The following DENND2A variants were observed in gnomAD, a reference collection of about 807,000 sequenced individuals.
DENND2A encodes DENN domain containing 2A, also known as DENN domain-containing protein 2A.
A neutral mutation model predicts 105.3 loss-of-function variants in DENND2A; 53 were observed. The observed-to-expected ratio is 0.50, with a 90% CI of 0.40 to 0.63. The LOEUF (loss-of-function observed/expected upper bound fraction) is 0.63. Ranked by LOEUF, DENND2A falls within the 30% of genes least tolerant of loss-of-function variation. The pLI is 0.00. For missense variants in DENND2A, 1,138 were observed against 1,279.6 expected, an observed-to-expected ratio of 0.89 and a Z score of 1.69; for synonymous variants, 522 against 508.4, an observed-to-expected ratio of 1.03 and a Z score of -0.36.
chr7:140,582,889 A>G lies in DENND2A; in HGVS notation c.1245+2700T>C, dbSNP rs993584382. Among the ~76,000 whole-genome samples the G allele has an allele frequency of 3.3e-5, 5 of 152,240 alleles. No individual in the cohort carries two copies. In the East Asian group the frequency reaches 5.8e-4, roughly 18 times the overall value. ...AACTGTTAGGCCTTCCAGGAAAACCAAAGAAATAGAATATATACATTTTTC... is the reference window on the plus strand; with the variant it reads ...AACTGTTAGGCCTTCCAGGAAAACCGAAGAAATAGAATATATACATTTTTC... On this transcript the variant is annotated intron_variant, in intron 5 of 19. Transcript: ENST00000496613.
chr7:140,625,779 A>G (rs1800501241), intron 1 of DENND2A, among the ~76,000 whole-genome samples: 1 of 152,228 alleles, frequency 6.6e-6, no homozygotes, highest in South Asian at 2.1e-4. Context: ...TTATAAGAAA[A>G]GAAGAAAAAG....
rs1478850291 is a variant in DENND2A at position 140,601,940 on chromosome 7, T to C, written c.458A>G (p.Gln153Arg). Reference sequence around the variant, plus strand: ...CTTCAGCACGGAGAGGGGATCGTTCTGAAAGCGTAGCTTGCCAAGTCTTGG... The same window carrying C: ...CTTCAGCACGGAGAGGGGATCGTTCCGAAAGCGTAGCTTGCCAAGTCTTGG... ...REPRLGKLRFQNDPLSVLKQV... is the reference protein window; with the variant it reads ...REPRLGKLRFRNDPLSVLKQV... The change falls in exon 3 of 20, where the codon CAG (glutamine) becomes CGG (arginine). Residue 153 changes from glutamine (Q) to arginine (R), a missense_variant. Around this residue, in one of 2 missense-constraint regions of DENND2A, gnomAD observed 511 missense variants for 499.9 expected, o/e 1.02. Transcript: ENST00000496613. The C allele has an allele frequency of 6.2e-7, 1 of 1,614,080 alleles. No individual in the cohort carries two copies. Among genetic ancestry groups the C allele is most frequent in the East Asian group, 2.2e-5 (1 of 44,878 alleles).
chr7:140,575,861 C>G (rs269225), intron 5 of DENND2A, among the ~76,000 whole-genome samples: 70,762 of 151,318 alleles, frequency 0.47, 17,465 homozygotes, highest in African/African-American at 0.62. Context: ...CTCAGCTACT[C>G]GGGAGGCTGA....
intron 14 of DENND2A, among the ~76,000 whole-genome samples, chr7:140,540,510 C>CT: frequency 6.6e-6 from 1 of 152,344 alleles, no homozygotes; most frequent in East Asian, 1.9e-4. Context: ...GGGAGGGTGG[C>CT]TGGGGAACAG....
chr7:140,544,637 A>C lies in DENND2A; in HGVS notation c.2308T>G (p.Phe770Val), dbSNP rs765384485. 8.1e-6 allele frequency: 13 copies of C among 1,614,180 alleles called. No individual in the cohort carries two copies. Among genetic ancestry groups the C allele is most frequent in the Non-Finnish European group, 1.1e-5 (13 of 1,180,036 alleles). Residue 770 changes from phenylalanine (F) to valine (V), a missense_variant, in exon 14 of 20, where the codon TTC becomes GTC. Physicochemically the swap from Phe to Val is conservative, Grantham distance 50 (BLOSUM62 -1). Coordinates refer to ENST00000496613, the MANE Select transcript of DENND2A (RefSeq NM_015689.5). Reference protein sequence around the residue: ...ASLLLERRVIFIADKLSILSK... With the variant: ...ASLLLERRVIVIADKLSILSK... ...GGGTACCTGAGCTTGTCTGCAATGA[A>C]GATGACCCTCCTCTCCAGAAGCAGG...
chr7:140,608,370 CT>C (rs1489522491), intron 1 of DENND2A, among the ~76,000 whole-genome samples: 1 of 152,002 alleles, frequency 6.6e-6, no homozygotes, highest in African/African-American at 2.4e-5. Flanking sequence ...CCCTTTTTGT[CT>C]CTGATGATTA....
chr7:140,625,925 G>A (rs1800507925), intron 1 of DENND2A, among the ~76,000 whole-genome samples: 1 of 152,170 alleles, frequency 6.6e-6, no homozygotes, highest in Admixed American at 6.5e-5. Context: ...AATGATGAAT[G>A]AACAGCTGAT....
At position 140,573,932 on chromosome 7, in the gene DENND2A, A is replaced by G. The variant is rs1798197150; in HGVS notation, c.1322T>C (p.Leu441Pro). ...RNFKLLDTRK[L>P]SRDGTGSPSK... The stretch of plus-strand genomic sequence containing the variant: ...AGGGGACCCAGTTCCATCCCGACTC[A>G]GCTTCCTAGTGTCCAGCAGCTTGAA... The change falls in exon 6 of 20, where the codon CTG (leucine) becomes CCG (proline). Residue 441 changes from leucine (L) to proline (P), a missense_variant. This residue lies in a region of DENND2A where 627 missense variants were observed against 779.8 expected (regional missense o/e 0.80). Transcript: ENST00000496613. 1 of 1,614,064 alleles carries G rather than the reference A, an allele frequency of 6.2e-7. No individual in the cohort carries two copies. The highest frequency in any genetic ancestry group is 2.2e-5 in the East Asian group (1 of 44,890).
At chr7:140,524,909 G>A (rs1338225587) in intron 16 of DENND2A, among the ~76,000 whole-genome samples, 1 of 142,300 alleles carries the variant, frequency 7.0e-6, no homozygotes, top group Non-Finnish European at 1.5e-5. Flanking sequence ...TTTTTGAAAC[G>A]GAGTCTCGCT....
intron 3 of DENND2A, among the ~76,000 whole-genome samples, chr7:140,591,387 G>A (rs1799012429): frequency 6.6e-6 from 1 of 152,200 alleles, no homozygotes. Flanking sequence ...TCAAATAGCA[G>A]CTCTATTTCC....
In DENND2A at chr7:140,523,784, G is replaced by A. The variant is rs1341268249; in HGVS notation, c.2548-360C>T. ...AGTTTAGTTTCACCATGTTAGCCAG[G>A]CTGGTCTCGAACTCCTGACCTCAGG... On this transcript the variant is annotated intron_variant, in intron 16 of 19. Coordinates refer to ENST00000496613, the MANE Select transcript of DENND2A (RefSeq NM_015689.5). The surrounding 1 kb of genome is among the most constrained non-coding windows in gnomAD (Gnocchi z 4.5). Among the ~76,000 whole-genome samples, 1 of 152,142 alleles carries A rather than the reference G, an allele frequency of 6.6e-6. No individual in the cohort carries two copies. Among genetic ancestry groups the A allele is most frequent in the Admixed American group, 6.6e-5 (1 of 15,256 alleles).
intron 4 of DENND2A, among the ~76,000 whole-genome samples, chr7:140,586,667 CT>C (rs1309135186): frequency 6.6e-6 from 1 of 152,222 alleles, no homozygotes; most frequent in East Asian, 1.9e-4. Flanking sequence ...GCAGTCACTG[CT>C]AAGAGAAGTC....
chr7:140,561,768 GC>G (rs1797628079), intron 9 of DENND2A, among the ~76,000 whole-genome samples: 16 of 151,334 alleles, frequency 1.1e-4, no homozygotes, highest in Admixed American at 8.6e-4. Context: ...GCCTGCCTCA[GC>G]CTCGCAGAAT....
intron 3 of DENND2A, among the ~76,000 whole-genome samples, chr7:140,597,384 T>C (rs1585723526): frequency 6.6e-6 from 1 of 152,196 alleles, no homozygotes; most frequent in Admixed American, 6.5e-5. Context: ...AAATTCGTGG[T>C]ACAGTCCTTT....
In DENND2A at chr7:140,553,908, CA is replaced by C. The variant is rs368191583; in HGVS notation, c.2037+1727del. Reference sequence around the variant, plus strand: ...ATGTCTACTTCTTTCTACACAGACACAGTAACAGTCTGATCTCTCTTTCTTT... The same window carrying C: ...ATGTCTACTTCTTTCTACACAGACACGTAACAGTCTGATCTCTCTTTCTTT... On this transcript the variant is annotated intron_variant, in intron 12 of 19. Coordinates refer to ENST00000496613, the MANE Select transcript of DENND2A (RefSeq NM_015689.5). 2.5e-3 allele frequency among the ~76,000 whole-genome samples: 374 copies of C among 152,242 alleles called. 3 individuals are homozygous for C. Among genetic ancestry groups the C allele is most frequent in the African/African-American group, 8.7e-3 (362 of 41,524 alleles).
At chr7:140,539,466 G>A (rs757325481) in intron 14 of DENND2A, among the ~76,000 whole-genome samples, 10 of 152,180 alleles carry the variant, frequency 6.6e-5, no homozygotes, top group Non-Finnish European at 1.5e-4. Context: ...CGGGTCCTGA[G>A]GGCCTGTGCT....
intron 1 of DENND2A, among the ~76,000 whole-genome samples, chr7:140,615,294 T>A (rs1326555770): frequency 1.3e-5 from 2 of 152,230 alleles, no homozygotes; most frequent in Non-Finnish European, 2.9e-5. Context: ...GACAGAGGAA[T>A]CTGAAACGGA....
At chr7:140,580,932 C>T (rs960377106) in intron 5 of DENND2A, among the ~76,000 whole-genome samples, 1 of 151,544 alleles carries the variant, frequency 6.6e-6, no homozygotes, top group African/African-American at 2.4e-5. Context: ...CCACTGTGCC[C>T]GGCCACCCAG....
At chr7:140,568,917 A>T in intron 7 of DENND2A, 104 bp from the exon 8 acceptor site, 1 of 1,157,114 alleles carries the variant, frequency 8.6e-7, no homozygotes. Flanking sequence ...TTCAGAGGGG[A>T]TGTTGAGTTG....
Sources: gnomAD v4.1 joint callset for allele counts (sites outside exome capture counted in the v4.1 genomes callset) on GRCh38, gnomAD v4.1.1 for gene constraint, gnomAD v4.1.1 regional missense constraint, Gnocchi (gnomAD v3.1) non-coding constraint, MANE v1.5 for transcripts, NCBI Gene and HGNC (gene_info 2026-07-23, HGNC 2026-07-21) for gene names.